Variants in WDR1 observed in about 807,000 individuals in gnomAD.
The protein encoded by WDR1 is WD repeat domain 1.
WDR1 carries 21 observed loss-of-function variants against 71.9 expected under a neutral mutation model. That is an observed-to-expected ratio of 0.29 (90% confidence interval 0.21 to 0.42). The LOEUF is 0.42. Among genes scored for constraint, WDR1 ranks in the 10% least tolerant of loss-of-function variants. The pLI, the probability that WDR1 is intolerant of heterozygous loss-of-function variation, is 1.00. For missense variants in WDR1, 696 were observed against 824.5 expected (o/e 0.84, Z 1.91); for synonymous variants, 424 against 347.4 (o/e 1.22, Z -2.45).
chr4:10,100,554 G>A (rs1285346074), intron 3 of WDR1, among the ~76,000 whole-genome samples: 1 of 152,228 alleles, frequency 6.6e-6, no homozygotes, highest in Non-Finnish European at 1.5e-5. Context: ...TGAGGGAGAT[G>A]CACGTAAGGA....
intron 2 of WDR1, among the ~76,000 whole-genome samples, chr4:10,112,835 C>G (rs577760534): frequency 6.6e-6 from 1 of 152,194 alleles, no homozygotes; most frequent in Non-Finnish European, 1.5e-5. Context: ...CTCTCTTAGG[C>G]GAGGACACGG....
At position 10,083,182 on chromosome 4, in the gene WDR1, G is replaced by C; in HGVS notation, c.1040-4C>G. 1 of 1,612,928 alleles carries C rather than the reference G, an allele frequency of 6.2e-7. No homozygotes were observed. The highest frequency in any genetic ancestry group is 1.3e-5 in the African/African-American group (1 of 75,038). ...CCCGTCTCTGAATCCCAGTAATGTA[G>C]GGTGGGGTTAAGGAAAAGCCCGGCT... On this transcript the variant is annotated splice_polypyrimidine_tract_variant and splice_region_variant and intron_variant, in intron 9 of 14. Transcript: ENST00000499869.
intron 2 of WDR1, 76 bp from the exon 3 acceptor site, chr4:10,104,062 A>G (rs1003936514): frequency 1.4e-6 from 2 of 1,412,378 alleles, no homozygotes; most frequent in African/African-American, 1.4e-5. Context: ...ATCAACAGAT[A>G]TGGGGTGAAA....
In WDR1 at chr4:10,083,007, C is replaced by A; in HGVS notation, c.1196+15G>T. 6.2e-7 allele frequency: 1 copy of A among 1,601,448 alleles called. No individual in the cohort carries two copies. The highest frequency in any genetic ancestry group is 8.5e-7 in the Non-Finnish European group (1 of 1,171,174). Reference sequence around the variant, plus strand: ...GAGGCTCATCCGGAACCCCCGCAGACCCGAGTGCTCTCACCTGTAGTCCCG... The same window carrying A: ...GAGGCTCATCCGGAACCCCCGCAGAACCGAGTGCTCTCACCTGTAGTCCCG... On this transcript the variant is annotated intron_variant, in intron 10 of 14. Transcript: ENST00000499869.
chr4:10,088,192 C>T, intron 7 of WDR1, 101 bp downstream of exon 7: 1 of 1,195,536 alleles, frequency 8.4e-7, no homozygotes, highest in Middle Eastern at 2.7e-4. Flanking sequence ...TATAGCCCCT[C>T]ATTTCAAGTT....
intron 5 of WDR1, among the ~76,000 whole-genome samples, chr4:10,094,069 T>C (rs546455522): frequency 5.3e-5 from 8 of 152,322 alleles, no homozygotes; most frequent in African/African-American, 1.7e-4. Context: ...GAGGGAGCAG[T>C]GGCACCCCAG....
At chr4:10,115,017 C>T (rs1713623016) in intron 2 of WDR1, among the ~76,000 whole-genome samples, 1 of 152,238 alleles carries the variant, frequency 6.6e-6, no homozygotes, top group African/African-American at 2.4e-5. Context: ...CAGTTGCTGG[C>T]CTCCTGGAGG....
At chr4:10,093,287 G>T in intron 5 of WDR1, 1 of 467,334 alleles carries the variant, frequency 2.1e-6, no homozygotes, top group Non-Finnish European at 3.7e-6. Context: ...CTATGAGCTG[G>T]TAGAAGGGGA....
chr4:10,116,429 G>A, intron 1 of WDR1, 195 bp from the exon 2 acceptor site: 1 of 901,470 alleles, frequency 1.1e-6, no homozygotes, highest in Non-Finnish European at 1.6e-6. Flanking sequence ...TGGGGGCAGC[G>A]GGGCTCCTCC....
intron 9 of WDR1, chr4:10,083,558 G>T (rs1269319232): frequency 4.2e-6 from 2 of 474,386 alleles, no homozygotes; most frequent in Non-Finnish European, 8.4e-6. Context: ...CCCAGCCTGG[G>T]GGGACCTCCT....
At chr4:10,093,412 G>A (rs1712133160) in intron 5 of WDR1, among the ~76,000 whole-genome samples, 1 of 152,240 alleles carries the variant, frequency 6.6e-6, no homozygotes, top group South Asian at 2.1e-4. Flanking sequence ...CTGCGAGGCT[G>A]GCTCTGGACC....
At chr4:10,084,268 T>G (rs954565514) in intron 9 of WDR1, among the ~76,000 whole-genome samples, 175 bp downstream of exon 9, 1 of 152,090 alleles carries the variant, frequency 6.6e-6, no homozygotes, top group Non-Finnish European at 1.5e-5. Flanking sequence ...CAGGGGACAG[T>G]TGCCTGTCCC....
chr4:10,080,324 G>A (rs917168229), intron 11 of WDR1, among the ~76,000 whole-genome samples: 1 of 151,862 alleles, frequency 6.6e-6, no homozygotes, highest in Non-Finnish European at 1.5e-5. Flanking sequence ...CAGACCCCTT[G>A]GCTGGGAAGA....
chr4:10,096,885 T>C (rs915508454), intron 5 of WDR1, among the ~76,000 whole-genome samples: 15 of 152,130 alleles, frequency 9.9e-5, no homozygotes, highest in African/African-American at 3.1e-4. Flanking sequence ...CCGGGTCCAT[T>C]GTTCTTGTCC....
At chr4:10,090,342 A>C (rs1482099732) in intron 5 of WDR1, among the ~76,000 whole-genome samples, 2 of 152,176 alleles carry the variant, frequency 1.3e-5, no homozygotes, top group African/African-American at 4.8e-5. Flanking sequence ...AGAAAGAGGA[A>C]TCAGGTGCCT....
rs763749184 is a variant in WDR1 at position 10,075,402 on chromosome 4, G to C, written c.1797C>G (p.Val599=). The C allele has an allele frequency of 6.2e-7, 1 of 1,613,972 alleles. No individual in the cohort carries two copies. Residue 599 remains valine, a synonymous_variant, in exon 15 of 15, where the codon GTC becomes GTG. Transcript: ENST00000499869. ...TLVTTSHDAS[V]KEWTITY ...CTCAGTAGGTGATTGTCCACTCCTT[G>C]ACAGAGGCATCATGGGAGGTCGTGA...
chr4:10,088,257 T>G, intron 7 of WDR1, 36 bp downstream of exon 7: 1 of 1,544,344 alleles, frequency 6.5e-7, no homozygotes, highest in African/African-American at 1.4e-5. Flanking sequence ...TCGGCCAAAT[T>G]CCCACCACTA....
chr4:10,088,870 T>C (rs1302417388), intron 5 of WDR1, 129 bp from the exon 6 acceptor site: 3 of 749,466 alleles, frequency 4.0e-6, no homozygotes, highest in South Asian at 3.2e-5. Context: ...CACTGGAAAA[T>C]TTCAGAGCTT....
rs758695458 is a variant in WDR1, at chr4:10,081,448, T to C, written c.1197-4A>G. On this transcript the variant is annotated splice_polypyrimidine_tract_variant and splice_region_variant and intron_variant, in intron 10 of 14. Transcript: ENST00000499869. Reference sequence around the variant, plus strand: ...CAGTTTCACAACTCCTTGTCCGCTGTTAGAGAGAAAGGAAGCACATTACTT... The same window carrying C: ...CAGTTTCACAACTCCTTGTCCGCTGCTAGAGAGAAAGGAAGCACATTACTT... The C allele has an allele frequency of 2.5e-5, 40 of 1,613,312 alleles. No homozygotes were observed. The South Asian group carries it at 4.3e-4, about 17-fold the overall frequency.
Sources: gnomAD v4.1 joint callset for allele counts (sites outside exome capture counted in the v4.1 genomes callset) on GRCh38, gnomAD v4.1.1 for gene constraint, MANE v1.5 for transcripts, NCBI Gene and HGNC (gene_info 2026-07-23, HGNC 2026-07-21) for gene names.